The following PTPRN2 variants were observed in gnomAD, a reference collection of about 807,000 sequenced individuals.
PTPRN2 encodes the protein protein tyrosine phosphatase receptor type N2.
A neutral mutation model predicts 118.8 loss-of-function variants in PTPRN2; 74 were observed. That is an observed-to-expected ratio of 0.62 (90% CI 0.52 to 0.76). The LOEUF (loss-of-function observed/expected upper bound fraction) is 0.76. PTPRN2 is among the 30% of genes least tolerant of loss of function. PTPRN2 has a pLI of 0.00. For missense variants in PTPRN2, 1,481 were observed against 1,394.4 expected (o/e 1.06, Z -0.99); for synonymous variants, 641 against 608.0 (o/e 1.05, Z -0.80).
intron 15 of PTPRN2, among the ~76,000 whole-genome samples, chr7:157,621,147 C>T (rs13307285): frequency 0.21 from 11,999 of 57,542 alleles, 1,155 homozygotes; most frequent in Non-Finnish European, 0.26. Context: ...AGTCCTCCCG[C>T]CCCCGGTGCT....
intron 12 of PTPRN2, among the ~76,000 whole-genome samples, chr7:157,846,536 C>T (rs1046806405): frequency 9.9e-5 from 15 of 152,168 alleles, no homozygotes; most frequent in African/African-American, 3.4e-4. Flanking sequence ...GAACAGGCAC[C>T]AGTTTGTCAC....
intron 11 of PTPRN2, among the ~76,000 whole-genome samples, chr7:157,996,049 T>C (rs1311348201): frequency 1.3e-5 from 2 of 152,136 alleles, no homozygotes; most frequent in Non-Finnish European, 2.9e-5. Flanking sequence ...TATTCAGCCA[T>C]AAAAAAGGAT....
intron 15 of PTPRN2, chr7:157,616,044 G>A (rs750412225): frequency 7.7e-4 from 139 of 181,252 alleles, no homozygotes; most frequent in Non-Finnish European, 1.1e-3. Flanking sequence ...GAAACAGGGC[G>A]CCCAGGAGAC....
intron 12 of PTPRN2, among the ~76,000 whole-genome samples, chr7:157,693,798 G>A (rs1427422379): frequency 1.3e-5 from 2 of 151,212 alleles, no homozygotes; most frequent in African/African-American, 2.5e-5. Flanking sequence ...CTGGATCGCC[G>A]GAGCCTCATC....
chr7:157,613,515 G>A (rs1392533515), intron 15 of PTPRN2, among the ~76,000 whole-genome samples: 1 of 152,188 alleles, frequency 6.6e-6, no homozygotes, highest in Non-Finnish European at 1.5e-5. Context: ...AGGCCCAGGA[G>A]AGCAGGGTCC....
chr7:158,294,932 T>C (rs1452296384), intron 3 of PTPRN2, among the ~76,000 whole-genome samples: 3 of 135,118 alleles, frequency 2.2e-5, no homozygotes, highest in South Asian at 2.4e-4. Flanking sequence ...TCCACGCGCG[T>C]GGTTCACCCA....
intron 10 of PTPRN2, among the ~76,000 whole-genome samples, chr7:158,094,341 G>A (rs1003600130): frequency 3.3e-5 from 5 of 152,026 alleles, no homozygotes; most frequent in Admixed American, 2.6e-4. Flanking sequence ...ACGGAGTCTC[G>A]CACTGTCACC....
intron 2 of PTPRN2, among the ~76,000 whole-genome samples, chr7:158,318,010 G>A (rs1380097009): frequency 1.3e-5 from 2 of 152,198 alleles, no homozygotes; most frequent in Non-Finnish European, 2.9e-5. Context: ...GCGGACAATG[G>A]CAAGGAGGAG....
At chr7:158,184,165 T>C (rs1824950153) in intron 5 of PTPRN2, among the ~76,000 whole-genome samples, 1 of 152,172 alleles carries the variant, frequency 6.6e-6, no homozygotes, top group South Asian at 2.1e-4. Flanking sequence ...TCAATTTTTT[T>C]TAAGGATTGT....
At chr7:157,949,814 G>A (rs568838263) in intron 11 of PTPRN2, among the ~76,000 whole-genome samples, 2 of 152,328 alleles carry the variant, frequency 1.3e-5, no homozygotes, top group East Asian at 1.9e-4. Context: ...GGAGAGGGCC[G>A]AACAGGGTTC....
At position 158,238,769 on chromosome 7, in the gene PTPRN2, C is replaced by T. The variant is rs559566300; in HGVS notation, c.278-33496G>A. 6.5e-4 allele frequency among the ~76,000 whole-genome samples: 99 copies of T among 152,264 alleles called. 1 individual carries two copies. The South Asian group carries it at 0.02, about 31-fold the overall frequency. On this transcript the variant is annotated intron_variant, in intron 3 of 22. Transcript: ENST00000389418. The stretch of plus-strand genomic sequence containing the variant: ...GACCGACGGATTCAGTCCTGAGGGG[C>T]AGACCAGGTCCTGGTAGGTACAGCA...
At chr7:157,608,461 T>C (rs749019679) in intron 15 of PTPRN2, among the ~76,000 whole-genome samples, 23 of 152,158 alleles carry the variant, frequency 1.5e-4, no homozygotes, top group Non-Finnish European at 3.4e-4. Flanking sequence ...CTGCAGGCTG[T>C]GGAGGAGGGC....
chr7:157,572,856 A>G lies in PTPRN2; in HGVS notation c.2784-1363T>C, dbSNP rs550428367. Reference sequence around the variant, plus strand: ...GGCGGGCTCAGACACAGGCACAACCAGCAACGGCCTCCAGGGCCGTGTCAC... The same window carrying G: ...GGCGGGCTCAGACACAGGCACAACCGGCAACGGCCTCCAGGGCCGTGTCAC... On this transcript the variant is annotated intron_variant, in intron 19 of 22. Coordinates refer to ENST00000389418, the MANE Select transcript of PTPRN2 (RefSeq NM_002847.5). Among the ~76,000 whole-genome samples, 16 of 152,372 alleles carry G rather than the reference A, an allele frequency of 1.1e-4. No homozygotes were observed. In the South Asian group the frequency reaches 2.3e-3, roughly 22 times the overall value.
At position 157,987,414 on chromosome 7, in the gene PTPRN2, G is replaced by T. The variant is rs1345398935; in HGVS notation, c.1724-88677C>A. Among the ~76,000 whole-genome samples the T allele has an allele frequency of 6.6e-6, 1 of 151,972 alleles. No homozygotes were observed. Among genetic ancestry groups the T allele is most frequent in the African/African-American group, 2.4e-5 (1 of 41,354 alleles). On this transcript the variant is annotated intron_variant, in intron 11 of 22. Transcript: ENST00000389418. The surrounding 1 kb of genome is among the most constrained non-coding windows in gnomAD (Gnocchi z 4.3). ...GGCAATATGACCCCTCACTAATGGG[G>T]TGATCGGTCACTAAACGGGGTGAGA...
intron 2 of PTPRN2, among the ~76,000 whole-genome samples, chr7:158,357,636 G>A (rs906479569): frequency 6.6e-6 from 1 of 152,210 alleles, no homozygotes; most frequent in Admixed American, 6.5e-5. Context: ...GAGGAGGAAG[G>A]CAGCTTATCT....
chr7:157,614,309 G>T (rs534635163), intron 15 of PTPRN2, among the ~76,000 whole-genome samples: 3 of 152,196 alleles, frequency 2.0e-5, no homozygotes, highest in African/African-American at 7.2e-5. Flanking sequence ...GTTCTGGAAG[G>T]GGGCAGGTGA....
At chr7:158,345,004 G>GA (rs1200618410) in intron 2 of PTPRN2, among the ~76,000 whole-genome samples, 1 of 152,206 alleles carries the variant, frequency 6.6e-6, no homozygotes, top group Non-Finnish European at 1.5e-5. Context: ...GCCATGGAGG[G>GA]AAAGTATGGT....
At chr7:158,137,923 C>T (rs907798357) in intron 7 of PTPRN2, among the ~76,000 whole-genome samples, 7 of 152,132 alleles carry the variant, frequency 4.6e-5, no homozygotes, top group East Asian at 1.9e-4. Flanking sequence ...GACCAATGCA[C>T]GCCCCAAGCA....
chr7:158,333,923 ACTCT>A (rs1314214962), intron 2 of PTPRN2, among the ~76,000 whole-genome samples: 1 of 136,140 alleles, frequency 7.3e-6, no homozygotes, highest in Non-Finnish European at 1.6e-5. Flanking sequence ...TCACACCCAC[ACTCT>A]CACCATAAGA....
Sources: gnomAD v4.1 joint callset for allele counts (sites outside exome capture counted in the v4.1 genomes callset) on GRCh38, gnomAD v4.1.1 for gene constraint, Gnocchi (gnomAD v3.1) non-coding constraint, MANE v1.5 for transcripts, NCBI Gene and HGNC (gene_info 2026-07-23, HGNC 2026-07-21) for gene names.